Variants in SMYD3 observed in about 807,000 individuals in gnomAD.
The protein encoded by SMYD3 is histone-lysine N-methyltransferase SMYD3.
SMYD3 carries 36 observed loss-of-function variants against 57.7 expected under a neutral mutation model. The observed-to-expected ratio is 0.62, with a 90% confidence interval of 0.48 to 0.82. The LOEUF (loss-of-function observed/expected upper bound fraction) is 0.82, where lower values mean the gene tolerates loss of function less well. Ranked by LOEUF, SMYD3 falls within the 40% of genes least tolerant of loss-of-function variation. SMYD3 has a pLI of 0.00. For synonymous variants in SMYD3, 211 were observed against 195.0 expected, an observed-to-expected ratio of 1.08 and a Z score of -0.68; for missense variants, 515 against 538.8, an observed-to-expected ratio of 0.96 and a Z score of 0.44.
intron 1 of SMYD3, among the ~76,000 whole-genome samples, chr1:246,503,055 A>G (rs2068481593): frequency 6.6e-6 from 1 of 152,214 alleles, no homozygotes; most frequent in Non-Finnish European, 1.5e-5. Flanking sequence ...TAAGGAGCAG[A>G]GCAAAAGGCC....
intron 5 of SMYD3, among the ~76,000 whole-genome samples, chr1:246,124,379 T>G (rs563328233): frequency 3.0e-4 from 46 of 152,260 alleles, no homozygotes; most frequent in African/African-American, 9.6e-4. Flanking sequence ...AAAAGTTACT[T>G]CCAGCAATAA....
intron 1 of SMYD3, among the ~76,000 whole-genome samples, chr1:246,501,918 C>A (rs1383311972): frequency 6.6e-6 from 1 of 152,180 alleles, no homozygotes; most frequent in Non-Finnish European, 1.5e-5. Flanking sequence ...ACTTAGCAAC[C>A]ACTTCCCTAG....
intron 10 of SMYD3, among the ~76,000 whole-genome samples, chr1:245,844,952 A>C (rs1373985988): frequency 6.6e-6 from 1 of 152,182 alleles, no homozygotes; most frequent in Non-Finnish European, 1.5e-5. Context: ...ATAATCTACT[A>C]AACACTAGAA....
At chr1:245,861,502 T>C (rs1439164743) in intron 9 of SMYD3, among the ~76,000 whole-genome samples, 1 of 152,228 alleles carries the variant, frequency 6.6e-6, no homozygotes, top group Non-Finnish European at 1.5e-5. Context: ...ATTACTCTAC[T>C]GCTTAAAAAA....
At chr1:246,505,634 C>G (rs2068525971) in intron 1 of SMYD3, among the ~76,000 whole-genome samples, 1 of 150,742 alleles carries the variant, frequency 6.6e-6, no homozygotes, top group Admixed American at 6.6e-5. Flanking sequence ...TCCCCCAAAA[C>G]TCTTTCATTA....
At chr1:246,103,443 GAA>G (rs920247628) in intron 5 of SMYD3, among the ~76,000 whole-genome samples, 2 of 138,358 alleles carry the variant, frequency 1.4e-5, no homozygotes. Context: ...CATGTAAAAA[GAA>G]AAAAAAAAAA....
chr1:246,319,777 C>A (rs955458949), intron 5 of SMYD3, among the ~76,000 whole-genome samples: 1 of 152,176 alleles, frequency 6.6e-6, no homozygotes, highest in Admixed American at 6.5e-5. Flanking sequence ...GTTAACAGAA[C>A]TGAAAATTTA....
chr1:246,370,202 A>AT (rs2066171603), intron 1 of SMYD3, among the ~76,000 whole-genome samples: 1 of 152,226 alleles, frequency 6.6e-6, no homozygotes, highest in Non-Finnish European at 1.5e-5. Context: ...GCATCATCGC[A>AT]TAACGTCCCG....
chr1:246,422,727 T>C (rs2067161084), intron 1 of SMYD3, among the ~76,000 whole-genome samples: 1 of 152,170 alleles, frequency 6.6e-6, no homozygotes, highest in Non-Finnish European at 1.5e-5. Flanking sequence ...TGGTTTACAA[T>C]GTTTTCAAAC....
intron 5 of SMYD3, among the ~76,000 whole-genome samples, chr1:246,184,863 A>C (rs1217975041): frequency 6.6e-6 from 1 of 152,088 alleles, no homozygotes; most frequent in Non-Finnish European, 1.5e-5. Context: ...AGGAATTATA[A>C]ATTTCTGTTT....
chr1:246,417,563 G>A (rs1558455165), intron 1 of SMYD3, among the ~76,000 whole-genome samples: 1 of 152,110 alleles, frequency 6.6e-6, no homozygotes, highest in Non-Finnish European at 1.5e-5. Context: ...GTCACAGGAC[G>A]AGTTGAGTCT....
chr1:246,086,331 GAAC>G (rs950572512), intron 5 of SMYD3, among the ~76,000 whole-genome samples: 2 of 151,992 alleles, frequency 1.3e-5, no homozygotes, highest in African/African-American at 2.4e-5. Flanking sequence ...TAAATTTATA[GAAC>G]AACTGGTGTG....
chr1:245,956,031 T>C, intron 5 of SMYD3: 1 of 985,386 alleles, frequency 1.0e-6, no homozygotes, highest in South Asian at 4.7e-5. Flanking sequence ...TGCAAAAAAT[T>C]ACAAATGACC....
chr1:246,475,562 C>T (rs2068019717), intron 1 of SMYD3, among the ~76,000 whole-genome samples: 2 of 151,892 alleles, frequency 1.3e-5, no homozygotes, highest in South Asian at 2.1e-4. Context: ...AAGAGGATCG[C>T]TTGAACCAGG....
intron 5 of SMYD3, among the ~76,000 whole-genome samples, chr1:246,136,248 C>G (rs1386295111): frequency 3.3e-5 from 5 of 152,152 alleles, no homozygotes; most frequent in Non-Finnish European, 7.4e-5. Flanking sequence ...TATTATCCTA[C>G]AATAACATAA....
chr1:245,769,816 C>T (rs1232943994), intron 10 of SMYD3, among the ~76,000 whole-genome samples: 1 of 150,970 alleles, frequency 6.6e-6, no homozygotes, highest in Non-Finnish European at 1.5e-5. Flanking sequence ...TTCCAGGATC[C>T]CCACAAATAC....
At chr1:245,926,463 A>T (rs189057106) in intron 7 of SMYD3, among the ~76,000 whole-genome samples, 68 of 152,306 alleles carry the variant, frequency 4.5e-4, no homozygotes, top group Middle Eastern at 3.4e-3. Flanking sequence ...TACCACAGGG[A>T]AAAATATCTG....
intron 5 of SMYD3, among the ~76,000 whole-genome samples, chr1:246,246,829 A>G (rs895208733): frequency 2.7e-5 from 4 of 146,500 alleles, no homozygotes; most frequent in East Asian, 4.4e-4. Context: ...CACTATATAT[A>G]TTTTATACAT....
chr1:246,471,224 G>C (rs2103048872), intron 1 of SMYD3, among the ~76,000 whole-genome samples: 1 of 152,096 alleles, frequency 6.6e-6, no homozygotes, highest in South Asian at 2.1e-4. Context: ...TTTTAGAGAT[G>C]GGGTCTTGCT....
Sources: allele counts gnomAD v4.1 joint callset (sites outside exome capture counted in the v4.1 genomes callset), GRCh38; gene constraint gnomAD v4.1.1; transcripts MANE v1.5; gene names NCBI Gene and HGNC (gene_info 2026-07-23, HGNC 2026-07-21).